The following SEZ6L variants were observed in gnomAD, a reference collection of about 807,000 sequenced individuals.
The protein encoded by SEZ6L is seizure 6-like protein.
SEZ6L carries 37 observed loss-of-function variants against 106.2 expected under a neutral mutation model. The ratio of observed to expected loss-of-function variants is 0.35; its 90% CI spans 0.27 to 0.46. SEZ6L has a LOEUF of 0.46. SEZ6L is among the 20% of genes least tolerant of loss of function. The probability of loss-of-function intolerance (pLI) is 1.00; values close to 1 mark genes in which losing one functional copy is unlikely to be tolerated. For synonymous variants in SEZ6L, 541 were observed against 570.4 expected (o/e 0.95, Z 0.73); for missense variants, 1,172 against 1,332.8 (o/e 0.88, Z 1.88).
chr22:26,293,239 C>G, intron 2 of SEZ6L, 93 bp downstream of exon 2: 2 of 1,425,652 alleles, frequency 1.4e-6, no homozygotes, highest in Non-Finnish European at 1.8e-6. Flanking sequence ...TCAAGAAGCC[C>G]CGGCCCCACC....
At chr22:26,352,077 C>T (rs933842126) in intron 12 of SEZ6L, among the ~76,000 whole-genome samples, 1 of 150,592 alleles carries the variant, frequency 6.6e-6, no homozygotes, top group African/African-American at 2.4e-5. Flanking sequence ...GGGAGGATTG[C>T]TTGAGCCCAA....
chr22:26,256,200 G>A (rs1470602209), intron 1 of SEZ6L, among the ~76,000 whole-genome samples: 1 of 152,186 alleles, frequency 6.6e-6, no homozygotes, highest in Non-Finnish European at 1.5e-5. Context: ...AACAATGAAA[G>A]GCAGATAAGC....
chr22:26,224,893 ACT>A (rs2078591202), intron 1 of SEZ6L, among the ~76,000 whole-genome samples: 2 of 152,126 alleles, frequency 1.3e-5, no homozygotes, highest in Admixed American at 1.3e-4. Flanking sequence ...CAACCACATG[ACT>A]CTGCAGCCAT....
At chr22:26,274,542 T>C (rs1448823152) in intron 1 of SEZ6L, among the ~76,000 whole-genome samples, 1 of 152,200 alleles carries the variant, frequency 6.6e-6, no homozygotes, top group Admixed American at 6.5e-5. Flanking sequence ...ATTTTTTACT[T>C]ATTATTAGGG....
chr22:26,348,646 A>AAGAAAGAAAGAAAGAAAGAAAG (rs1556371589), intron 11 of SEZ6L, among the ~76,000 whole-genome samples: 1 of 7,694 alleles, frequency 1.3e-4, no homozygotes, highest in Admixed American at 2.3e-3. Flanking sequence ...GAAAGAAAGA[A>AAGAAAGAAAGAAAGAAAGAAAG]AAAGAAAGAA....
Position 26,247,457 on chromosome 22 carries a change from G to T in SEZ6L, c.95-44949G>T, listed in dbSNP as rs2281422. On this transcript the variant is annotated intron_variant, in intron 1 of 16. Coordinates refer to ENST00000248933, the MANE Select transcript of SEZ6L (RefSeq NM_021115.5). ...GGGTGGGCCTTAAGTCCAATGACTG[G>T]TATCTTCCTAAGAAGGTCATGTGGA... is the stretch of plus-strand genomic sequence containing the variant. Among the ~76,000 whole-genome samples the T allele has an allele frequency of 5.5e-3, 836 of 152,152 alleles. 38 individuals are homozygous for T. The East Asian group carries it at 0.098, about 18-fold the overall frequency.
At chr22:26,343,075 A>T (rs2082893991) in intron 10 of SEZ6L, among the ~76,000 whole-genome samples, 1 of 152,036 alleles carries the variant, frequency 6.6e-6, no homozygotes, top group South Asian at 2.1e-4. Flanking sequence ...TTATTGCTAC[A>T]ATTTCTTGTG....
chr22:26,271,266 T>C (rs987036536), intron 1 of SEZ6L, among the ~76,000 whole-genome samples: 5 of 152,240 alleles, frequency 3.3e-5, no homozygotes. Flanking sequence ...GGAAAGCAGC[T>C]GTCTAGATTC....
intron 1 of SEZ6L, among the ~76,000 whole-genome samples, chr22:26,252,357 C>A (rs1036412157): frequency 6.6e-6 from 1 of 152,334 alleles, no homozygotes; most frequent in East Asian, 1.9e-4. Flanking sequence ...TTTGCAGAAT[C>A]ATTCCCTACC....
At chr22:26,218,506 A>G (rs2078361634) in intron 1 of SEZ6L, among the ~76,000 whole-genome samples, 1 of 152,158 alleles carries the variant, frequency 6.6e-6, no homozygotes, top group South Asian at 2.1e-4. Flanking sequence ...ACTGAGACTT[A>G]AAGAGGTGAA....
chr22:26,289,937 A>G (rs963805944), intron 1 of SEZ6L, among the ~76,000 whole-genome samples: 1 of 152,174 alleles, frequency 6.6e-6, no homozygotes, highest in Non-Finnish European at 1.5e-5. Context: ...TGATTGCTCC[A>G]GTTTCCTGCC....
intron 9 of SEZ6L, among the ~76,000 whole-genome samples, chr22:26,330,388 G>T (rs1184489200): frequency 1.3e-5 from 2 of 152,218 alleles, no homozygotes; most frequent in Non-Finnish European, 2.9e-5. Flanking sequence ...TGCATGTAAA[G>T]TGCCTTGAAA....
intron 1 of SEZ6L, among the ~76,000 whole-genome samples, chr22:26,173,073 T>G (rs1322994365): frequency 3.9e-5 from 6 of 152,258 alleles, no homozygotes; most frequent in African/African-American, 1.4e-4. Context: ...GCAGAACTAT[T>G]TTATCTGAAC....
intron 1 of SEZ6L, among the ~76,000 whole-genome samples, chr22:26,248,626 G>A (rs903304728): frequency 6.6e-6 from 1 of 152,202 alleles, no homozygotes. Context: ...CCAGGATTTG[G>A]ACATACAATT....
At chr22:26,220,182 C>A (rs768550696) in intron 1 of SEZ6L, among the ~76,000 whole-genome samples, 1 of 152,162 alleles carries the variant, frequency 6.6e-6, no homozygotes, top group Non-Finnish European at 1.5e-5. Context: ...GCCACAGATG[C>A]CACAGATGCC....
chr22:26,180,981 C>T (rs1308170561), intron 1 of SEZ6L, among the ~76,000 whole-genome samples: 1 of 152,160 alleles, frequency 6.6e-6, no homozygotes, highest in Non-Finnish European at 1.5e-5. Flanking sequence ...CTGTGGATCC[C>T]CACTCTGCCA....
At chr22:26,235,455 T>C (rs2078929543) in intron 1 of SEZ6L, among the ~76,000 whole-genome samples, 1 of 152,168 alleles carries the variant, frequency 6.6e-6, no homozygotes, top group African/African-American at 2.4e-5. Context: ...TTATATAAGA[T>C]ACAGCCACTG....
chr22:26,340,398 C>T (rs374865260), intron 9 of SEZ6L, 38 bp from the exon 10 acceptor site: 3 of 1,562,708 alleles, frequency 1.9e-6, no homozygotes, highest in Non-Finnish European at 2.6e-6. Flanking sequence ...TGCCCATTCT[C>T]TATTTCACAT....
chr22:26,229,051 G>A (rs376608272), intron 1 of SEZ6L, among the ~76,000 whole-genome samples: 6 of 152,194 alleles, frequency 3.9e-5, no homozygotes, highest in East Asian at 1.9e-4. Flanking sequence ...AGGCTGGACC[G>A]TGTGGCATGA....
Sources: gnomAD v4.1 joint callset for allele counts (sites outside exome capture counted in the v4.1 genomes callset) on GRCh38, gnomAD v4.1.1 for gene constraint, MANE v1.5 for transcripts, NCBI Gene and HGNC (gene_info 2026-07-23, HGNC 2026-07-21) for gene names.